The following CDADC1 variants were observed in gnomAD, a reference collection of about 807,000 sequenced individuals.
CDADC1 encodes the protein dCTP deaminase.
In CDADC1, 39 loss-of-function variants were observed where a neutral mutation model predicts 54.9. The ratio of observed to expected loss-of-function variants is 0.71; its 90% CI spans 0.55 to 0.93. The LOEUF is 0.93. Among genes scored for constraint, CDADC1 ranks in the 40% least tolerant of loss-of-function variants. The probability of loss-of-function intolerance (pLI) is 0.00; values close to 1 mark genes in which losing one functional copy is unlikely to be tolerated. For missense variants in CDADC1, 518 were observed against 618.8 expected, an observed-to-expected ratio of 0.84 and a Z score of 1.73; for synonymous variants, 186 against 204.0, an observed-to-expected ratio of 0.91 and a Z score of 0.75.
chr13:49,248,760 C>T (rs750783266), intron 1 of CDADC1, 111 bp from the exon 2 acceptor site: 5 of 716,900 alleles, frequency 7.0e-6, no homozygotes, highest in Non-Finnish European at 1.3e-5. Context: ...TTTTTCTGTG[C>T]CTCTTGCGAA....
chr13:49,276,730 T>C lies in CDADC1; in HGVS notation c.1051-1620T>C, dbSNP rs547061400. Among the ~76,000 whole-genome samples the C allele has an allele frequency of 6.6e-5, 10 of 152,326 alleles. No homozygotes were observed. The South Asian group carries it at 1.9e-3, about 28-fold the overall frequency. ...ATTCCTCAGCACTCTGTACAACTTG[T>C]CTGTGACATTCATCACAGTTAAAGT... On this transcript the variant is annotated intron_variant, in intron 6 of 9. Coordinates refer to ENST00000251108, the MANE Select transcript of CDADC1 (RefSeq NM_030911.4).
intron 4 of CDADC1, among the ~76,000 whole-genome samples, chr13:49,260,835 C>T (rs1458146499): frequency 1.3e-5 from 2 of 152,048 alleles, no homozygotes; most frequent in Admixed American, 1.3e-4. Context: ...ACCAAATCAG[C>T]GATACAGGTT....
intron 9 of CDADC1, among the ~76,000 whole-genome samples, chr13:49,290,201 G>A (rs1046288799): frequency 1.3e-5 from 2 of 151,850 alleles, no homozygotes; most frequent in African/African-American, 2.4e-5. Context: ...GAGAGGGAGC[G>A]CACGGGAATT....
chr13:49,250,756 T>G (rs1458386376), intron 2 of CDADC1, among the ~76,000 whole-genome samples: 6 of 152,236 alleles, frequency 3.9e-5, no homozygotes, highest in Non-Finnish European at 7.3e-5. Flanking sequence ...GGATATTCGC[T>G]TCTCATAATA....
chr13:49,286,874 G>A (rs1953528507), intron 9 of CDADC1, among the ~76,000 whole-genome samples: 1 of 152,156 alleles, frequency 6.6e-6, no homozygotes, highest in African/African-American at 2.4e-5. Flanking sequence ...TTAGATATGA[G>A]TGCTATATAA....
intron 2 of CDADC1, among the ~76,000 whole-genome samples, chr13:49,254,983 C>T (rs1218993815): frequency 6.6e-6 from 1 of 152,206 alleles, no homozygotes; most frequent in Non-Finnish European, 1.5e-5. Context: ...CAGATGACCA[C>T]AAAGTTGGTG....
At chr13:49,276,986 C>T (rs988144266) in intron 6 of CDADC1, among the ~76,000 whole-genome samples, 1 of 152,116 alleles carries the variant, frequency 6.6e-6, no homozygotes, top group African/African-American at 2.4e-5. Context: ...GCAGGCAGCA[C>T]GGTGAAATGG....
chr13:49,260,884 C>T (rs1172742200), intron 4 of CDADC1, among the ~76,000 whole-genome samples: 1 of 152,120 alleles, frequency 6.6e-6, no homozygotes, highest in Non-Finnish European at 1.5e-5. Flanking sequence ...ATAGTGATCC[C>T]TGCAGATTTC....
chr13:49,262,555 G>A (rs1470642022), intron 4 of CDADC1, among the ~76,000 whole-genome samples: 2 of 151,818 alleles, frequency 1.3e-5, no homozygotes, highest in Non-Finnish European at 2.9e-5. Flanking sequence ...TTTTGAGACA[G>A]AGTCTCGCTC....
chr13:49,284,655 G>A (rs2138264594), intron 8 of CDADC1, among the ~76,000 whole-genome samples: 1 of 152,040 alleles, frequency 6.6e-6, no homozygotes, highest in Non-Finnish European at 1.5e-5. Flanking sequence ...CTCTTTCTTG[G>A]TGCTAGCCTA....
chr13:49,273,488 T>G (rs1953023768), intron 5 of CDADC1, among the ~76,000 whole-genome samples: 2 of 152,226 alleles, frequency 1.3e-5, no homozygotes, highest in Non-Finnish European at 2.9e-5. Context: ...CCTTAATATG[T>G]AGAATTTCTA....
chr13:49,272,094 C>T (rs2407607), intron 5 of CDADC1, among the ~76,000 whole-genome samples: 45,030 of 152,030 alleles, frequency 0.3, 6,788 homozygotes, highest in East Asian at 0.5. Flanking sequence ...TTTAGTCTGT[C>T]CCCAGGCTGA....
chr13:49,267,380 T>G, intron 4 of CDADC1, 110 bp from the exon 5 acceptor site: 3 of 914,134 alleles, frequency 3.3e-6, no homozygotes, highest in Non-Finnish European at 4.8e-6. Flanking sequence ...GTAATAGACA[T>G]TTATTATATT....
intron 4 of CDADC1, among the ~76,000 whole-genome samples, chr13:49,260,886 G>T (rs954887446): frequency 1.3e-5 from 2 of 152,164 alleles, no homozygotes; most frequent in African/African-American, 4.8e-5. Flanking sequence ...AGTGATCCCT[G>T]CAGATTTCCA....
At position 49,255,851 on chromosome 13, in the gene CDADC1, G is replaced by C. The variant is rs1164191413; in HGVS notation, c.190G>C (p.Gly64Arg). The C allele has an allele frequency of 6.2e-7, 1 of 1,610,470 alleles. No individual in the cohort carries two copies. The highest frequency in any genetic ancestry group is 1.1e-5 in the South Asian group (1 of 89,946). Residue 64 changes from glycine (G) to arginine (R), a missense_variant, in exon 3 of 10, where the codon GGA (glycine) becomes CGA (arginine). Coordinates refer to ENST00000251108, the MANE Select transcript of CDADC1 (RefSeq NM_030911.4). Reference sequence around the variant, plus strand: ...TGATTTTTATTAGAAAAATGAAGAGGGAAAGCATGGACCCTTAGGAGATAA... The same window carrying C: ...TGATTTTTATTAGAAAAATGAAGAGCGAAAGCATGGACCCTTAGGAGATAA... ...QRQKSQKNEEGKHGPLGDNEE... is the reference protein window; with the variant it reads ...QRQKSQKNEERKHGPLGDNEE...
In CDADC1 at chr13:49,280,564, T is replaced by A; in HGVS notation, c.1276T>A (p.Cys426Ser). Residue 426 changes from cysteine (C) to serine (S), a missense_variant, in exon 8 of 10, where the codon TGT becomes AGT. Coordinates refer to ENST00000251108, the MANE Select transcript of CDADC1 (RefSeq NM_030911.4). ...RSMIFVTKCP[C>S]DECVPLIKGA... ...CATGATTTTTGTGACAAAGTGCCCA[T>A]GTGATGAGTGTGTACCTTTAATTAA... 1 of 1,519,816 alleles carries A rather than the reference T, an allele frequency of 6.6e-7. No individual in the cohort carries two copies. Among genetic ancestry groups the A allele is most frequent in the Non-Finnish European group, 8.8e-7 (1 of 1,131,374 alleles). The allele number at this position is 1,519,816 out of a possible 1,614,324, so 94.1% of individuals were successfully genotyped here. A position where few individuals can be genotyped will look rare whatever the true frequency, so the allele number is the denominator to read the frequency against.
chr13:49,280,957 C>G (rs917253762), intron 8 of CDADC1, among the ~76,000 whole-genome samples: 1 of 151,810 alleles, frequency 6.6e-6, no homozygotes, highest in African/African-American at 2.4e-5. Context: ...TCTCAGCCCC[C>G]CGAGTAGCTG....
Position 49,292,745 on chromosome 13 carries a change from A to G in CDADC1, c.*988A>G. ...TGAGAAACATTCAGAAAATTATTCC[A>G]AAAATGAAGGTACATTTTCTGTTCT... On this transcript the variant is annotated 3_prime_UTR_variant, in exon 10 of 10. Coordinates refer to ENST00000251108, the MANE Select transcript of CDADC1 (RefSeq NM_030911.4). 7.9e-7 allele frequency: 1 copy of G among 1,272,610 alleles called. No homozygotes were observed. Among genetic ancestry groups the G allele is most frequent in the Non-Finnish European group, 1.0e-6 (1 of 982,538 alleles). 78.8% of individuals were successfully genotyped at this position (1,272,610 alleles called of 1,614,324 possible). A position where few individuals can be genotyped will look rare whatever the true frequency, so the allele number is the denominator to read the frequency against.
chr13:49,259,465 C>G lies in CDADC1; in HGVS notation c.372C>G (p.Asn124Lys), dbSNP rs1225657373. ...TTAAACATGGGTCAAGGCTGAAAAA[C>G]TGTGATCTTTATTTTTCCAGAAAAC... ...ALIKHGSRLKNCDLYFSRKPC... is the reference protein window; with the variant it reads ...ALIKHGSRLKKCDLYFSRKPC... The change falls in exon 4 of 10, where the codon AAC becomes AAG. Residue 124 changes from asparagine (N) to lysine (K), a missense_variant. Physicochemically the swap from Asn to Lys is moderately conservative, Grantham distance 94. Coordinates refer to ENST00000251108, the MANE Select transcript of CDADC1 (RefSeq NM_030911.4). 1 of 1,614,028 alleles carries G rather than the reference C, an allele frequency of 6.2e-7. No homozygotes were observed. Among genetic ancestry groups the G allele is most frequent in the South Asian group, 1.1e-5 (1 of 91,084 alleles).
Sources: gnomAD v4.1 joint callset for allele counts (sites outside exome capture counted in the v4.1 genomes callset) on GRCh38, gnomAD v4.1.1 for gene constraint, MANE v1.5 for transcripts, NCBI Gene and HGNC (gene_info 2026-07-23, HGNC 2026-07-21) for gene names.